Variants in PPFIA4 observed in about 807,000 individuals in gnomAD.
PPFIA4 encodes liprin-alpha-4.
A neutral mutation model predicts 145.7 loss-of-function variants in PPFIA4; 98 were observed. That is an observed-to-expected ratio of 0.67 (90% CI 0.57 to 0.80). The LOEUF (loss-of-function observed/expected upper bound fraction) is 0.80. PPFIA4 is among the 30% of genes least tolerant of loss of function. The pLI is 0.00. For missense variants in PPFIA4, 1,457 were observed against 1,632.7 expected, an observed-to-expected ratio of 0.89 and a Z score of 1.85; for synonymous variants, 628 against 649.6, an observed-to-expected ratio of 0.97 and a Z score of 0.51.
Position 203,068,331 on chromosome 1 carries a change from G to C in PPFIA4, c.3149-122G>C. The C allele has an allele frequency of 1.2e-6, 1 of 828,540 alleles. No homozygotes were observed. The allele number at this position is 828,540 out of a possible 1,614,324, so 51.3% of individuals were successfully genotyped here. ...GAAGATATGGAAATTTAGGGATGGA[G>C]TGGGGGTCAGAGAGCAGGGTGGACT... On this transcript the variant is annotated intron_variant, in intron 26 of 29. Transcript: ENST00000295706. This position sits in a 1 kb window ranked among gnomAD's most constrained non-coding sequence, Gnocchi z 4.7.
intron 25 of PPFIA4, 137 bp from the exon 26 acceptor site, chr1:203,067,558 G>A: frequency 1.4e-6 from 1 of 698,720 alleles, no homozygotes; most frequent in Non-Finnish European, 2.5e-6. Context: ...GGGGAAGGAG[G>A]AGCATGAGGA....
intron 2 of PPFIA4, among the ~76,000 whole-genome samples, chr1:203,040,139 A>G (rs901001104): frequency 5.3e-5 from 8 of 152,216 alleles, no homozygotes; most frequent in Non-Finnish European, 1.0e-4. Flanking sequence ...TTGTCAAAGA[A>G]GCTGTGAACT....
chr1:203,048,446 A>G lies in PPFIA4; in HGVS notation c.1224+136A>G. 6.8e-7 allele frequency: 1 copy of G among 1,464,660 alleles called. No homozygotes were observed. Among genetic ancestry groups the G allele is most frequent in the Non-Finnish European group, 9.3e-7 (1 of 1,074,140 alleles). 90.7% of individuals were successfully genotyped at this position (1,464,660 alleles called of 1,614,324 possible). On this transcript the variant is annotated intron_variant, in intron 10 of 29. Transcript: ENST00000295706. The surrounding 1 kb of genome is among the most constrained non-coding windows in gnomAD (Gnocchi z 5.8). ...GAGAGTGGGAGGAGGCTGGCAGGTG[A>G]AGGGGGAGGTGGTCAGGAGACTGGA...
In PPFIA4 at chr1:203,076,547, AC is replaced by A; in HGVS notation, c.*161del. ...GAATATATTCGTCCACCCCCTCGGC[AC>A]CCCATTACCCCGAGTCCCACCGTGT... On this transcript the variant is annotated 3_prime_UTR_variant, in exon 30 of 30. Transcript: ENST00000295706. 1 of 684,594 alleles carries A rather than the reference AC, an allele frequency of 1.5e-6. No individual in the cohort carries two copies. Among genetic ancestry groups the A allele is most frequent in the Non-Finnish European group, 2.5e-6 (1 of 399,360 alleles). 42.4% of individuals were successfully genotyped at this position (684,594 alleles called of 1,614,324 possible).
chr1:203,075,526 G>T lies in PPFIA4; in HGVS notation c.3394-51G>T. Reference sequence around the variant, plus strand: ...TGGCCCCCTCCAGGCAGGGCGTGAGGATGGCAATTCCAACAGGGCCCTCGG... The same window carrying T: ...TGGCCCCCTCCAGGCAGGGCGTGAGTATGGCAATTCCAACAGGGCCCTCGG... On this transcript the variant is annotated intron_variant, in intron 28 of 29. Coordinates refer to ENST00000295706, the MANE Select transcript of PPFIA4 (RefSeq NM_001304331.2). This position sits in a 1 kb window ranked among gnomAD's most constrained non-coding sequence, Gnocchi z 4.1. 7.4e-7 allele frequency: 1 copy of T among 1,346,098 alleles called. No homozygotes were observed. The highest frequency in any genetic ancestry group is 3.2e-5 in the Admixed American group (1 of 31,340). 83.4% of individuals were successfully genotyped at this position (1,346,098 alleles called of 1,614,324 possible). A position where few individuals can be genotyped will look rare whatever the true frequency, so the allele number is the denominator to read the frequency against.
intron 5 of PPFIA4, 46 bp downstream of exon 5, chr1:203,044,499 G>T (rs558577114): frequency 6.5e-7 from 1 of 1,529,948 alleles, no homozygotes; most frequent in Non-Finnish European, 8.9e-7. Flanking sequence ...GGAAGTCCAG[G>T]CTGGTTCACC....
intron 25 of PPFIA4, among the ~76,000 whole-genome samples, chr1:203,065,337 G>A (rs758817809): frequency 6.6e-5 from 10 of 152,078 alleles, no homozygotes; most frequent in Non-Finnish European, 1.3e-4. Flanking sequence ...AATCAGCTAG[G>A]GCTGAAAAGG....
intron 9 of PPFIA4, among the ~76,000 whole-genome samples, chr1:203,046,661 C>CTTT (rs34854303): frequency 1.5e-4 from 22 of 144,514 alleles, no homozygotes; most frequent in Non-Finnish European, 2.9e-4. Flanking sequence ...TTTTCTTTTT[C>CTTT]TTTTTTTTTT....
At position 203,077,769 on chromosome 1, in the gene PPFIA4, A is replaced by G. The variant is rs1158055919; in HGVS notation, c.*1379A>G. 1 of 151,888 alleles carries G rather than the reference A, an allele frequency of 6.6e-6. No individual in the cohort carries two copies. Among genetic ancestry groups the G allele is most frequent in the East Asian group, 1.9e-4 (1 of 5,178 alleles). 9.4% of individuals were successfully genotyped at this position (151,888 alleles called of 1,614,324 possible). A position where few individuals can be genotyped will look rare whatever the true frequency, so the allele number is the denominator to read the frequency against. On this transcript the variant is annotated 3_prime_UTR_variant, in exon 30 of 30. Coordinates refer to ENST00000295706, the MANE Select transcript of PPFIA4 (RefSeq NM_001304331.2). The stretch of plus-strand genomic sequence containing the variant: ...CCCAAGAAATACCCGCTCCTCACCT[A>G]CTCCCTCATCCTACCAAGGTGCCTG...
chr1:203,039,267 T>C (rs754004195), intron 2 of PPFIA4, 25 bp downstream of exon 2: 3 of 1,510,254 alleles, frequency 2.0e-6, no homozygotes, highest in Non-Finnish European at 2.7e-6. Context: ...CCTGCGTCTC[T>C]CTTAACCCCT....
intron 24 of PPFIA4, among the ~76,000 whole-genome samples, chr1:203,061,951 T>A (rs919101296): frequency 1.3e-5 from 2 of 152,200 alleles, no homozygotes; most frequent in South Asian, 2.1e-4. Flanking sequence ...CTGGGAATAA[T>A]CAGACCTAGA....
intron 1 of PPFIA4, among the ~76,000 whole-genome samples, chr1:203,036,078 G>A (rs1448155164): frequency 6.6e-6 from 1 of 152,186 alleles, no homozygotes; most frequent in Non-Finnish European, 1.5e-5. Flanking sequence ...GGCAGCCTGA[G>A]GTCCTGTTCT....
At chr1:203,058,093 G>C (rs980367522) in intron 19 of PPFIA4, among the ~76,000 whole-genome samples, 2 of 152,174 alleles carry the variant, frequency 1.3e-5, no homozygotes, top group Non-Finnish European at 2.9e-5. Context: ...TGAATTTCGT[G>C]CAGGGGAGGA....
chr1:203,052,051 C>CCCT (rs1553257069), intron 14 of PPFIA4, among the ~76,000 whole-genome samples, 174 bp downstream of exon 14: 1 of 136,796 alleles, frequency 7.3e-6, no homozygotes, highest in African/African-American at 2.9e-5. Context: ...CTGTGCCCCC[C>CCCT]CCCCCGCTTG....
Position 203,060,345 on chromosome 1 carries a change from G to T in PPFIA4, c.2712G>T (p.Arg904=), listed in dbSNP as rs369154630. ...REIGISNALH[R]LKLRLAIQEM... ...TCGGCATCAGCAATGCCCTGCACCG[G>T]CTCAAGCTCCGCCTGGCCATTCAGG... is the stretch of plus-strand genomic sequence containing the variant. Residue 904 remains arginine, a synonymous_variant, in exon 22 of 30, where the codon CGG becomes CGT. Coordinates refer to ENST00000295706, the MANE Select transcript of PPFIA4 (RefSeq NM_001304331.2). The surrounding 1 kb of genome is among the most constrained non-coding windows in gnomAD (Gnocchi z 4.8). 3.1e-6 allele frequency: 5 copies of T among 1,613,880 alleles called. No individual in the cohort carries two copies. In the African/African-American group the frequency reaches 6.7e-5, roughly 22 times the overall value.
chr1:203,036,761 C>T (rs1020429788), intron 1 of PPFIA4, among the ~76,000 whole-genome samples: 17 of 152,224 alleles, frequency 1.1e-4, no homozygotes, highest in Admixed American at 2.0e-4. Context: ...CCTCTCCACT[C>T]CCAGCTGCTC....
rs1661237089 is a variant in PPFIA4, at chr1:203,059,856, G to A, written c.2583+5G>A. 4 of 1,607,854 alleles carry A rather than the reference G, an allele frequency of 2.5e-6. No homozygotes were observed. The African/African-American group carries it at 5.3e-5, about 21-fold the overall frequency. On this transcript the variant is annotated splice_donor_5th_base_variant and intron_variant, in intron 21 of 29. Transcript: ENST00000295706. ...ACTGTGGTCTCCTGGTTGGAGGTAA[G>A]CCTGAGCAAAGGGAGTCCACTCAGG... is the stretch of plus-strand genomic sequence containing the variant.
At chr1:203,036,736 G>A (rs1659301190) in intron 1 of PPFIA4, among the ~76,000 whole-genome samples, 1 of 152,230 alleles carries the variant, frequency 6.6e-6, no homozygotes, top group Non-Finnish European at 1.5e-5. Flanking sequence ...TGGACAGACT[G>A]GGGCAGCAGC....
rs755982788 is a variant in PPFIA4, at chr1:203,045,383, G to T, written c.682G>T (p.Val228Leu). Residue 228 changes from valine (V) to leucine (L), a missense_variant, in exon 7 of 30, where the codon GTA becomes TTA. Physicochemically the swap from Val to Leu is conservative, Grantham distance 32. This residue lies in a region of PPFIA4 where 463 missense variants were observed against 459.8 expected (regional missense o/e 1.01). Coordinates refer to ENST00000295706, the MANE Select transcript of PPFIA4 (RefSeq NM_001304331.2). ...ATCCCTGGAGGAGGATACGGGCCGGGTAGAGGAGCTGCAGGAGCTCCTGGA... is the reference window on the plus strand; with the variant it reads ...ATCCCTGGAGGAGGATACGGGCCGGTTAGAGGAGCTGCAGGAGCTCCTGGA... ...KRLWKEDTGRVEELQELLEKQ... is the reference protein window; with the variant it reads ...KRLWKEDTGRLEELQELLEKQ... 2.6e-5 allele frequency: 42 copies of T among 1,602,896 alleles called. No individual in the cohort carries two copies. The highest frequency in any genetic ancestry group is 3.4e-5 in the Non-Finnish European group (40 of 1,175,452).
Sources: allele counts gnomAD v4.1 joint callset (sites outside exome capture counted in the v4.1 genomes callset), GRCh38; gene constraint gnomAD v4.1.1; regional missense constraint gnomAD v4.1.1; non-coding constraint Gnocchi (gnomAD v3.1); transcripts MANE v1.5; gene names NCBI Gene and HGNC (gene_info 2026-07-23, HGNC 2026-07-21).